PLSCR4: variants seen among roughly 807,000 people sequenced by gnomAD.
The protein encoded by PLSCR4 is Ca(2+)-dependent phospholipid scramblase 4.
A neutral mutation model predicts 36.3 loss-of-function variants in PLSCR4; 25 were observed. The observed-to-expected ratio is 0.69, with a 90% CI of 0.50 to 0.96. The LOEUF is 0.96. Ranked by LOEUF, PLSCR4 falls within the 40% of genes least tolerant of loss-of-function variation. The pLI is 0.00. For synonymous variants in PLSCR4, 122 were observed against 132.9 expected, an observed-to-expected ratio of 0.92 and a Z score of 0.56; for missense variants, 408 against 414.7, an observed-to-expected ratio of 0.98 and a Z score of 0.14.
chr3:146,224,236 C>G (rs1013770346), intron 1 of PLSCR4, among the ~76,000 whole-genome samples: 3 of 152,084 alleles, frequency 2.0e-5, no homozygotes, highest in African/African-American at 7.2e-5. Flanking sequence ...CAATGGTAGA[C>G]TGAATAAATA....
chr3:146,238,585 C>T (rs149890906), intron 1 of PLSCR4, among the ~76,000 whole-genome samples: 2 of 151,846 alleles, frequency 1.3e-5, no homozygotes, highest in East Asian at 3.9e-4. Flanking sequence ...CAAAAGAATC[C>T]ACTACTCTTT....
chr3:146,237,401 C>T (rs1350254302), intron 1 of PLSCR4, among the ~76,000 whole-genome samples: 1 of 152,054 alleles, frequency 6.6e-6, no homozygotes, highest in Non-Finnish European at 1.5e-5. Flanking sequence ...ATCTATGTAA[C>T]ACTGTAACTG....
rs540863528 is a variant in PLSCR4 at position 146,195,904 on chromosome 3, A to G, written c.787-622T>C. 2.0e-5 allele frequency among the ~76,000 whole-genome samples: 3 copies of G among 152,342 alleles called. No individual in the cohort carries two copies. In the South Asian group the frequency reaches 6.2e-4, roughly 32 times the overall value. ...ATGCTTAACGATACAGTAATAGAAA[A>G]TAAGAACTAAGGAAAGTTTCTTGAG... is the stretch of plus-strand genomic sequence containing the variant. On this transcript the variant is annotated intron_variant, in intron 7 of 8. Transcript: ENST00000354952.
At position 146,199,924 on chromosome 3, in the gene PLSCR4, T is replaced by TA. The variant is rs1312764501; in HGVS notation, c.512dup (p.Arg172LysfsTer9). 9.3e-6 allele frequency: 15 copies of TA among 1,613,382 alleles called. No homozygotes were observed. In the Admixed American group the frequency reaches 2.2e-4, roughly 23 times the overall value. On this transcript the variant is annotated frameshift_variant, in exon 6 of 9. Transcript: ENST00000354952. LOFTEE classifies it high-confidence loss of function. ...CAGTGACCCGGAGGACGAAGGGCCT[T>TA]AGTGTCCGATAGGCATTCCTGGTAA...
At chr3:146,246,044 A>G (rs1391877103) in intron 1 of PLSCR4, among the ~76,000 whole-genome samples, 1 of 152,124 alleles carries the variant, frequency 6.6e-6, no homozygotes, top group African/African-American at 2.4e-5. Flanking sequence ...TTCTGTAGAC[A>G]TCTTGTAAAC....
intron 3 of PLSCR4, among the ~76,000 whole-genome samples, chr3:146,215,644 T>G (rs1421395522): frequency 6.6e-6 from 1 of 152,186 alleles, no homozygotes. Flanking sequence ...TATGTTTTTT[T>G]TGTGTTTCTG....
intron 8 of PLSCR4, 26 bp downstream of exon 8, chr3:146,195,098 G>A (rs1227783653): frequency 6.2e-7 from 1 of 1,607,656 alleles, no homozygotes; most frequent in Admixed American, 1.7e-5. Flanking sequence ...AACTCTCTCA[G>A]GATAACTCAA....
intron 1 of PLSCR4, among the ~76,000 whole-genome samples, chr3:146,246,657 A>G (rs2036349883): frequency 6.6e-6 from 1 of 152,242 alleles, no homozygotes; most frequent in East Asian, 1.9e-4. Context: ...TTAAGGAAAC[A>G]TTACCATGCC....
chr3:146,249,584 G>A (rs2036471106), intron 1 of PLSCR4, among the ~76,000 whole-genome samples: 1 of 150,820 alleles, frequency 6.6e-6, no homozygotes. Context: ...CTATATATAT[G>A]TGTGTATGTA....
At chr3:146,211,289 T>G (rs534430038) in intron 3 of PLSCR4, among the ~76,000 whole-genome samples, 1 of 152,244 alleles carries the variant, frequency 6.6e-6, no homozygotes, top group African/African-American at 2.4e-5. Context: ...TTATTTGCAT[T>G]TTTCTGATTA....
intron 1 of PLSCR4, among the ~76,000 whole-genome samples, chr3:146,225,722 C>A (rs574140210): frequency 2.0e-5 from 3 of 152,322 alleles, no homozygotes; most frequent in Non-Finnish European, 4.4e-5. Flanking sequence ...GCCGACTGCT[C>A]CGAGTGTGGG....
intron 3 of PLSCR4, among the ~76,000 whole-genome samples, chr3:146,214,334 G>A (rs2034788258): frequency 6.4e-5 from 1 of 15,544 alleles, no homozygotes; most frequent in African/African-American, 1.9e-4. Context: ...TTTTTTAGCC[G>A]GGATGGTCTC....
At chr3:146,222,180 T>C (rs1224907700) in intron 1 of PLSCR4, 88 bp from the exon 2 acceptor site, 4 of 458,226 alleles carry the variant, frequency 8.7e-6, no homozygotes, top group Non-Finnish European at 1.5e-5. Flanking sequence ...ATTTCTGTAA[T>C]TTTTTTAACC....
At chr3:146,232,137 T>C (rs138043797) in intron 1 of PLSCR4, among the ~76,000 whole-genome samples, 122 of 152,300 alleles carry the variant, frequency 8.0e-4, no homozygotes, top group African/African-American at 2.9e-3. Flanking sequence ...CTTGGTATTG[T>C]TGACTTTGTT....
intron 6 of PLSCR4, among the ~76,000 whole-genome samples, chr3:146,197,435 C>G (rs1010611234): frequency 1.1e-4 from 17 of 152,124 alleles, no homozygotes; most frequent in Non-Finnish European, 2.2e-4. Context: ...TCTTCTGACT[C>G]AGTCTATTAA....
At chr3:146,204,989 T>G (rs2034246056) in intron 4 of PLSCR4, among the ~76,000 whole-genome samples, 1 of 152,050 alleles carries the variant, frequency 6.6e-6, no homozygotes, top group South Asian at 2.1e-4. Flanking sequence ...TTGACTTCTA[T>G]ACACCAATGT....
At chr3:146,213,334 C>CATTTTTT (rs2034720905) in intron 3 of PLSCR4, among the ~76,000 whole-genome samples, 2 of 125,514 alleles carry the variant, frequency 1.6e-5, no homozygotes, top group Non-Finnish European at 3.3e-5. Context: ...GTAAAATTTC[C>CATTTTTT]TTTTTTTTTT....
Position 146,200,034 on chromosome 3 carries a change from T to C in PLSCR4, c.403A>G (p.Thr135Ala), listed in dbSNP as rs376703833. The part of the protein sequence containing the change: ...LQHFEPLEMM[T>A]CFETNNRYDI... ...TATCTATTATTAGTTTCAAAACATG[T>C]CATCACTAAAAAATAAAATGAGTAA... The change falls in exon 6 of 9, where the codon ACA becomes GCA. Residue 135 changes from threonine (T) to alanine (A), a missense_variant. Thr to Ala is a moderately conservative substitution (Grantham distance 58). Transcript: ENST00000354952. 1.5e-5 allele frequency: 23 copies of C among 1,545,362 alleles called. No homozygotes were observed. The highest frequency in any genetic ancestry group is 1.7e-4 in the Middle Eastern group (1 of 5,902).
chr3:146,229,814 T>C (rs1057244259), intron 1 of PLSCR4, among the ~76,000 whole-genome samples: 4 of 151,644 alleles, frequency 2.6e-5, no homozygotes, highest in African/African-American at 9.7e-5. Flanking sequence ...TTAGTAGAGA[T>C]GGGGTTTCAC....
Sources: allele counts gnomAD v4.1 joint callset (sites outside exome capture counted in the v4.1 genomes callset), GRCh38; gene constraint gnomAD v4.1.1; transcripts MANE v1.5; gene names NCBI Gene and HGNC (gene_info 2026-07-23, HGNC 2026-07-21).